The following SPTLC1 variants were observed in gnomAD, a reference collection of about 807,000 sequenced individuals.
SPTLC1 encodes serine palmitoyltransferase long chain base subunit 1, also known as serine palmitoyltransferase 1.
A neutral mutation model predicts 68.9 loss-of-function variants in SPTLC1; 55 were observed. The observed-to-expected ratio is 0.80, with a 90% confidence interval of 0.64 to 1.00. SPTLC1 has a LOEUF of 1.00. SPTLC1 is among the 50% of genes least tolerant of loss of function. The pLI, the probability that SPTLC1 is intolerant of heterozygous loss-of-function variation, is 0.00. For missense variants in SPTLC1, 449 were observed against 573.1 expected (o/e 0.78, Z 2.21); for synonymous variants, 197 against 201.6 (o/e 0.98, Z 0.19).
intron 3 of SPTLC1, among the ~76,000 whole-genome samples, chr9:92,100,614 G>C (rs950177701): frequency 6.6e-6 from 1 of 152,062 alleles, no homozygotes. Flanking sequence ...ACCAGCCCCA[G>C]TAATCCACAG....
chr9:92,105,200 C>T, intron 3 of SPTLC1: 1 of 1,534,134 alleles, frequency 6.5e-7, no homozygotes, highest in Non-Finnish European at 8.7e-7. Flanking sequence ...ACCGCTGCAG[C>T]TGCAACCGAC....
At chr9:92,064,114 C>G (rs2118573308) in intron 6 of SPTLC1, among the ~76,000 whole-genome samples, 1 of 152,292 alleles carries the variant, frequency 6.6e-6, no homozygotes, top group East Asian at 1.9e-4. Context: ...TCTAGAAAAA[C>G]AGTTCCTAGA....
intron 11 of SPTLC1, 92 bp downstream of exon 11, chr9:92,047,080 T>G: frequency 8.9e-7 from 1 of 1,120,464 alleles, no homozygotes; most frequent in Non-Finnish European, 1.4e-6. Context: ...ACCAGTTTTG[T>G]CTGGCAAATA....
At chr9:92,084,082 C>A (rs1308341785) in intron 3 of SPTLC1, among the ~76,000 whole-genome samples, 1 of 151,626 alleles carries the variant, frequency 6.6e-6, no homozygotes, top group South Asian at 2.1e-4. Context: ...GATTTTTGTA[C>A]ATTGATTTTG....
chr9:92,104,619 A>G (rs561857087), intron 3 of SPTLC1: 1 of 1,477,210 alleles, frequency 6.8e-7, no homozygotes, highest in South Asian at 1.2e-5. Context: ...TTAGATGAGC[A>G]GGTGATCCCA....
intron 8 of SPTLC1, among the ~76,000 whole-genome samples, chr9:92,053,018 AT>A (rs1833759791): frequency 6.6e-6 from 1 of 152,064 alleles, no homozygotes; most frequent in Admixed American, 6.6e-5. Flanking sequence ...AGTATCCAGA[AT>A]ATACAAGGAA....
intron 2 of SPTLC1, chr9:92,110,111 A>G (rs1324034197): frequency 6.6e-6 from 1 of 152,260 alleles, no homozygotes; most frequent in Non-Finnish European, 1.5e-5. Context: ...CTCTTTTAGT[A>G]TAAGCAGTAC....
At chr9:92,044,584 C>T (rs535858053) in intron 12 of SPTLC1, among the ~76,000 whole-genome samples, 57 of 152,244 alleles carry the variant, frequency 3.7e-4, no homozygotes, top group African/African-American at 5.1e-4. Flanking sequence ...CAGAGGGAAA[C>T]GTCAGGTGAC....
chr9:92,038,644 C>CA (rs1353092183), intron 12 of SPTLC1, among the ~76,000 whole-genome samples: 11 of 152,232 alleles, frequency 7.2e-5, no homozygotes, highest in Non-Finnish European at 1.6e-4. Context: ...TGCCTCCTTA[C>CA]AGGCCCTCTG....
At chr9:92,032,579 A>G in intron 14 of SPTLC1, 21 bp from the exon 15 acceptor site, 1 of 1,613,312 alleles carries the variant, frequency 6.2e-7, no homozygotes, top group Non-Finnish European at 8.5e-7. Flanking sequence ...TAAAGGACAC[A>G]AAGAATTATC....
chr9:92,066,967 T>C (rs1249223136), intron 6 of SPTLC1, among the ~76,000 whole-genome samples: 1 of 145,452 alleles, frequency 6.9e-6, no homozygotes, highest in Non-Finnish European at 1.5e-5. Context: ...GCGACAAGAG[T>C]GAAACTCCAT....
Position 92,038,237 on chromosome 9 carries a change from C to T in SPTLC1, c.1254+11G>A, listed in dbSNP as rs775909787. Reference sequence around the variant, plus strand: ...GGTGTGGGGGGATGCCTCAAGTCAACGGATACTTACTTGATCTACAATTTC... The same window carrying T: ...GGTGTGGGGGGATGCCTCAAGTCAATGGATACTTACTTGATCTACAATTTC... On this transcript the variant is annotated intron_variant, in intron 13 of 14. Transcript: ENST00000262554. 28 of 1,565,506 alleles carry T rather than the reference C, an allele frequency of 1.8e-5. No homozygotes were observed. Among genetic ancestry groups the T allele is most frequent in the South Asian group, 1.2e-4 (11 of 90,114 alleles).
At chr9:92,047,106 A>G (rs1347818537) in intron 11 of SPTLC1, 66 bp downstream of exon 11, 1 of 1,331,500 alleles carries the variant, frequency 7.5e-7, no homozygotes, top group Non-Finnish European at 1.1e-6. Context: ...TCCAGTAAGT[A>G]AATCAGTAAC....
chr9:92,078,557 C>G (rs543959713), intron 5 of SPTLC1, among the ~76,000 whole-genome samples: 29 of 152,294 alleles, frequency 1.9e-4, no homozygotes, highest in African/African-American at 7.0e-4. Flanking sequence ...CTCCTAGGAT[C>G]AAGGGATCCT....
intron 12 of SPTLC1, among the ~76,000 whole-genome samples, chr9:92,045,556 T>C (rs1012948015): frequency 3.0e-5 from 3 of 99,410 alleles, no homozygotes; most frequent in South Asian, 3.0e-4. Flanking sequence ...AAAAAAACAC[T>C]GATAAAATTT....
At chr9:92,075,308 T>C (rs576213046) in intron 5 of SPTLC1, among the ~76,000 whole-genome samples, 223 of 152,294 alleles carry the variant, frequency 1.5e-3, no homozygotes, top group African/African-American at 5.1e-3. Context: ...TTCTTAGACG[T>C]TGTTGGATAC....
intron 10 of SPTLC1, 90 bp downstream of exon 10, chr9:92,047,523 A>C: frequency 1.2e-6 from 1 of 866,052 alleles, no homozygotes; most frequent in Non-Finnish European, 1.9e-6. Context: ...TGATAAACTA[A>C]GTAAAATTTC....
intron 8 of SPTLC1, 21 bp downstream of exon 8, chr9:92,055,384 C>T: frequency 5.0e-6 from 8 of 1,612,570 alleles, no homozygotes; most frequent in Non-Finnish European, 6.8e-6. Flanking sequence ...ATTAAAATTA[C>T]AGCTGAACAT....
At chr9:92,081,109 T>C (rs1457474118) in intron 3 of SPTLC1, 146 bp from the exon 4 acceptor site, 1 of 673,600 alleles carries the variant, frequency 1.5e-6, no homozygotes, top group Non-Finnish European at 2.7e-6. Flanking sequence ...TAAGAAGTAA[T>C]ATTAGAGCAT....
Sources: gnomAD v4.1 joint callset for allele counts (sites outside exome capture counted in the v4.1 genomes callset) on GRCh38, gnomAD v4.1.1 for gene constraint, MANE v1.5 for transcripts, NCBI Gene and HGNC (gene_info 2026-07-23, HGNC 2026-07-21) for gene names.